The following TBC1D10A variants were observed in gnomAD, a reference collection of about 807,000 sequenced individuals.
TBC1D10A encodes the protein EBP50-PDX interactor of 64 kDa.
A neutral mutation model predicts 52.9 loss-of-function variants in TBC1D10A; 24 were observed. The ratio of observed to expected loss-of-function variants is 0.45; its 90% CI spans 0.33 to 0.64. TBC1D10A has a LOEUF of 0.64. TBC1D10A is among the 30% of genes least tolerant of loss of function. The pLI is 0.02. For synonymous variants in TBC1D10A, 278 were observed against 282.9 expected (o/e 0.98, Z 0.17); for missense variants, 602 against 687.9 (o/e 0.88, Z 1.40).
At chr22:30,324,705 C>T (rs958682991) in intron 1 of TBC1D10A, among the ~76,000 whole-genome samples, 8 of 152,198 alleles carry the variant, frequency 5.3e-5, no homozygotes, top group African/African-American at 1.7e-4. Context: ...TTGTGACAAG[C>T]GCTGTGCCAG....
Position 30,294,027 on chromosome 22 carries a change from C to T in TBC1D10A, c.789G>A (p.Gln263=). 1 of 1,614,180 alleles carries T rather than the reference C, an allele frequency of 6.2e-7. No homozygotes were observed. Among genetic ancestry groups the T allele is most frequent in the Non-Finnish European group, 8.5e-7 (1 of 1,180,032 alleles). ...TCATATAGAGGAGCGGGTCGATCTT[C>T]TGACGGCTGAGGTGCTTGTGGGCCA... ...SPVAHKHLSR[Q]KIDPLLYMTE... The change falls in exon 7 of 9, where the codon CAG becomes CAA. Residue 263 remains glutamine (Q), a synonymous_variant. Transcript: ENST00000215790.
intron 1 of TBC1D10A, among the ~76,000 whole-genome samples, chr22:30,311,775 C>T (rs1181354078): frequency 3.9e-5 from 6 of 152,162 alleles, no homozygotes; most frequent in Admixed American, 2.0e-4. Context: ...CAGAGAAACT[C>T]CCAAGCAGCT....
chr22:30,300,810 AGT>A (rs1930187328), intron 2 of TBC1D10A: 1 of 152,196 alleles, frequency 6.6e-6, no homozygotes, highest in Non-Finnish European at 1.5e-5. Context: ...AGCTGGCCTG[AGT>A]GTGAGTCCTG....
At chr22:30,294,754 G>GGT (rs757409856) in intron 6 of TBC1D10A, 42 bp downstream of exon 6, 62 of 1,612,730 alleles carry the variant, frequency 3.8e-5, no homozygotes, top group Non-Finnish European at 5.3e-5. Flanking sequence ...GGCCACAGAG[G>GGT]GTGTCCAGCC....
intron 1 of TBC1D10A, among the ~76,000 whole-genome samples, chr22:30,309,079 C>G (rs182970103): frequency 6.6e-6 from 1 of 152,142 alleles, no homozygotes; most frequent in African/African-American, 2.4e-5. Context: ...CCATCTCTGG[C>G]GCCCAAGCCA....
At chr22:30,303,575 G>T (rs931757523) in intron 2 of TBC1D10A, among the ~76,000 whole-genome samples, 1 of 152,266 alleles carries the variant, frequency 6.6e-6, no homozygotes, top group African/African-American at 2.4e-5. Flanking sequence ...GAGAGGAAAG[G>T]AGTGGGGCTG....
chr22:30,325,980 A>C (rs1601684343), intron 1 of TBC1D10A, among the ~76,000 whole-genome samples: 7 of 152,052 alleles, frequency 4.6e-5, no homozygotes. Flanking sequence ...ACCTGTTGCC[A>C]GTGCCAGTGG....
intron 3 of TBC1D10A, chr22:30,296,986 G>A (rs1930093767): frequency 6.6e-6 from 1 of 152,250 alleles, no homozygotes. Context: ...AGGCCCTCAG[G>A]AGGGAGGCCA....
intron 1 of TBC1D10A, among the ~76,000 whole-genome samples, chr22:30,309,080 G>A (rs554729182): frequency 2.2e-4 from 33 of 152,204 alleles, no homozygotes; most frequent in African/African-American, 8.0e-4. Flanking sequence ...CATCTCTGGC[G>A]CCCAAGCCAC....
intron 1 of TBC1D10A, among the ~76,000 whole-genome samples, chr22:30,320,311 G>A (rs897803781): frequency 6.6e-6 from 1 of 152,008 alleles, no homozygotes; most frequent in Non-Finnish European, 1.5e-5. Context: ...TGATGGCCAT[G>A]ACCTTTCCCT....
In TBC1D10A at chr22:30,292,460, G is replaced by C; in HGVS notation, c.1442C>G (p.Pro481Arg). Residue 481 changes from proline (P) to arginine (R), a missense_variant, in exon 9 of 9, where the codon CCT becomes CGT. Physicochemically the swap from Pro to Arg is moderately radical, Grantham distance 103. Around this residue, in one of 3 missense-constraint regions of TBC1D10A, gnomAD observed 265 missense variants for 275.1 expected, o/e 0.96. Coordinates refer to ENST00000215790, the MANE Select transcript of TBC1D10A (RefSeq NM_031937.3). ...PKDSAPKDSA[P>R]QDLAPQVSAH... ...TGAGACCTGGGGAGCCAAATCCTGA[G>C]GGGCTGAGTCCTTGGGGGCTGAGTC... is the stretch of plus-strand genomic sequence containing the variant. 1 of 1,603,478 alleles carries C rather than the reference G, an allele frequency of 6.2e-7. No homozygotes were observed. The highest frequency in any genetic ancestry group is 8.5e-7 in the Non-Finnish European group (1 of 1,173,870).
intron 1 of TBC1D10A, among the ~76,000 whole-genome samples, chr22:30,315,974 G>T (rs1930528167): frequency 6.6e-6 from 1 of 152,170 alleles, no homozygotes; most frequent in Non-Finnish European, 1.5e-5. Flanking sequence ...AAGGAGGAAT[G>T]CTGGGTGCCA....
At chr22:30,299,846 A>G in intron 2 of TBC1D10A, 1 of 253,414 alleles carries the variant, frequency 3.9e-6, no homozygotes. Context: ...GGGCGCCTGT[A>G]ATCCTAGCGA....
chr22:30,298,541 A>C (rs1042738641), intron 3 of TBC1D10A: 2 of 152,292 alleles, frequency 1.3e-5, no homozygotes, highest in African/African-American at 4.8e-5. Context: ...GGAGTGTTCA[A>C]TGAAGAAGCA....
chr22:30,295,318 G>A (rs737805), intron 4 of TBC1D10A, among the ~76,000 whole-genome samples: 72,797 of 152,056 alleles, frequency 0.48, 18,096 homozygotes, highest in East Asian at 0.74. Flanking sequence ...GGGCCAGGGC[G>A]GGATGTAAAG....
At chr22:30,323,568 C>G (rs1470444022) in intron 1 of TBC1D10A, among the ~76,000 whole-genome samples, 1 of 152,206 alleles carries the variant, frequency 6.6e-6, no homozygotes, top group Non-Finnish European at 1.5e-5. Flanking sequence ...AGTCCAAGTC[C>G]TAGTTCTGCC....
chr22:30,313,680 C>T (rs1418555531), intron 1 of TBC1D10A, among the ~76,000 whole-genome samples: 2 of 146,988 alleles, frequency 1.4e-5, no homozygotes, highest in Non-Finnish European at 3.0e-5. Flanking sequence ...GGATTACAGG[C>T]GTGAGCCACC....
At chr22:30,307,263 T>G (rs1399676722) in intron 1 of TBC1D10A, among the ~76,000 whole-genome samples, 2 of 152,114 alleles carry the variant, frequency 1.3e-5, no homozygotes, top group Non-Finnish European at 2.9e-5. Flanking sequence ...ATGTCGCAAA[T>G]CTGGCGGCCT....
intron 4 of TBC1D10A, 21 bp from the exon 5 acceptor site, chr22:30,295,076 G>A (rs1382027334): frequency 6.2e-7 from 1 of 1,611,456 alleles, no homozygotes; most frequent in Non-Finnish European, 8.5e-7. Context: ...GCCGGGCAGA[G>A]CAGTGATGAC....
Sources: gnomAD v4.1 joint callset for allele counts (sites outside exome capture counted in the v4.1 genomes callset) on GRCh38, gnomAD v4.1.1 for gene constraint, gnomAD v4.1.1 regional missense constraint, MANE v1.5 for transcripts, NCBI Gene and HGNC (gene_info 2026-07-23, HGNC 2026-07-21) for gene names.